Variants in SLC1A1 observed in about 807,000 individuals in gnomAD.
SLC1A1 encodes the protein solute carrier family 1 member 1, also known as excitatory amino acid transporter 3.
In SLC1A1, 43 loss-of-function variants were observed where a neutral mutation model predicts 53.3. The ratio of observed to expected loss-of-function variants is 0.81; its 90% confidence interval spans 0.63 to 1.04. SLC1A1 has a LOEUF of 1.04. Ranked by LOEUF, SLC1A1 falls within the 50% of genes least tolerant of loss-of-function variation. SLC1A1 has a pLI of 0.00. For missense variants in SLC1A1, 748 were observed against 664.9 expected, an observed-to-expected ratio of 1.12 and a Z score of -1.37; for synonymous variants, 307 against 243.2, an observed-to-expected ratio of 1.26 and a Z score of -2.44.
At chr9:4,517,165 C>T (rs1821189105) in intron 1 of SLC1A1, among the ~76,000 whole-genome samples, 1 of 152,152 alleles carries the variant, frequency 6.6e-6, no homozygotes. Flanking sequence ...TTCCCCTGCC[C>T]CTCTGTCTTT....
intron 6 of SLC1A1, among the ~76,000 whole-genome samples, chr9:4,571,681 A>AAAAT (rs35825973): frequency 0.65 from 97,619 of 149,396 alleles, 32,215 homozygotes; most frequent in East Asian, 0.73. Flanking sequence ...CATCTCAGAA[A>AAAAT]AAATAAATAA....
At chr9:4,529,207 G>C (rs1052097434) in intron 1 of SLC1A1, among the ~76,000 whole-genome samples, 2 of 152,112 alleles carry the variant, frequency 1.3e-5, no homozygotes, top group African/African-American at 4.8e-5. Context: ...ATCCTCCAGA[G>C]GCTTCCCACT....
At chr9:4,578,986 A>G (rs914727468) in intron 10 of SLC1A1, among the ~76,000 whole-genome samples, 4 of 152,244 alleles carry the variant, frequency 2.6e-5, no homozygotes, top group Admixed American at 6.5e-5. Flanking sequence ...CAGCCTAAAC[A>G]TAAATTCTAG....
chr9:4,539,337 C>G (rs1816814440), intron 1 of SLC1A1, among the ~76,000 whole-genome samples: 1 of 152,116 alleles, frequency 6.6e-6, no homozygotes, highest in Non-Finnish European at 1.5e-5. Flanking sequence ...TTCTGATTCC[C>G]AGTATTGTTT....
intron 1 of SLC1A1, among the ~76,000 whole-genome samples, chr9:4,526,065 A>C (rs1001484007): frequency 3.3e-5 from 5 of 152,192 alleles, no homozygotes; most frequent in Admixed American, 3.3e-4. Flanking sequence ...CAGGAGGGTC[A>C]GTTGAGGCCA....
Position 4,587,106 on chromosome 9 carries a change from A to G in SLC1A1, c.*1548A>G, listed in dbSNP as rs1041641962. The G allele has an allele frequency of 2.6e-5, 4 of 152,768 alleles. No individual in the cohort carries two copies. Among genetic ancestry groups the G allele is most frequent in the South Asian group, 2.1e-4 (1 of 4,830 alleles). 9.5% of individuals were successfully genotyped at this position (152,768 alleles called of 1,614,324 possible). The stretch of plus-strand genomic sequence containing the variant: ...TGTGCCAAAGATAGCAGAAGAGTAG[A>G]TAAGTGCTCAGTATTGACGACCTAC... On this transcript the variant is annotated 3_prime_UTR_variant, in exon 12 of 12. Transcript: ENST00000262352.
chr9:4,530,982 G>C (rs1816446621), intron 1 of SLC1A1, among the ~76,000 whole-genome samples: 1 of 152,168 alleles, frequency 6.6e-6, no homozygotes, highest in South Asian at 2.1e-4. Flanking sequence ...TCAAGGATTG[G>C]AGCATTTAAT....
Position 4,564,426 on chromosome 9 carries a change from C to A in SLC1A1, c.408C>A (p.Val136=), listed in dbSNP as rs760174423. ...CGAGGACAGGCAGCACCCCTGAAGT[C>A]AGTACGGTGGATGCCATGTTAGATC... ...EIARTGSTPE[V]STVDAMLDLI... The change falls in exon 4 of 12, where the codon GTC becomes GTA. Residue 136 remains valine, a synonymous_variant. Coordinates refer to ENST00000262352, the MANE Select transcript of SLC1A1 (RefSeq NM_004170.6). 1 of 1,613,412 alleles carries A rather than the reference C, an allele frequency of 6.2e-7. No homozygotes were observed. Among genetic ancestry groups the A allele is most frequent in the South Asian group, 1.1e-5 (1 of 90,896 alleles).
chr9:4,535,542 C>G (rs1816643173), intron 1 of SLC1A1, among the ~76,000 whole-genome samples: 1 of 152,076 alleles, frequency 6.6e-6, no homozygotes, highest in African/African-American at 2.4e-5. Context: ...CAAACCACTG[C>G]TCAATGAAAT....
intron 1 of SLC1A1, among the ~76,000 whole-genome samples, chr9:4,531,719 A>G: frequency 6.6e-6 from 1 of 152,186 alleles, no homozygotes; most frequent in East Asian, 1.9e-4. Context: ...TGGTTCTCCC[A>G]GCACACAGCT....
At chr9:4,542,337 A>T (rs1039878707) in intron 1 of SLC1A1, among the ~76,000 whole-genome samples, 1 of 152,212 alleles carries the variant, frequency 6.6e-6, no homozygotes, top group East Asian at 1.9e-4. Context: ...AAGCTACTGT[A>T]CCTGGCAACT....
rs116847923 is a variant in SLC1A1, at chr9:4,582,881, G to A, written c.1194-157G>A. Among the ~76,000 whole-genome samples the A allele has an allele frequency of 7.2e-3, 1,093 of 152,238 alleles. 6 individuals carry two copies. The highest frequency in any genetic ancestry group is 0.021 in the East Asian group (110 of 5,180). ...CCCACAGCTCTAATCCTGTAATGAGGCAGAGCTGGGGCTCAGCAAGTCACA... is the reference window on the plus strand; with the variant it reads ...CCCACAGCTCTAATCCTGTAATGAGACAGAGCTGGGGCTCAGCAAGTCACA... On this transcript the variant is annotated intron_variant, in intron 10 of 11. Coordinates refer to ENST00000262352, the MANE Select transcript of SLC1A1 (RefSeq NM_004170.6).
At position 4,576,774 on chromosome 9, in the gene SLC1A1, G is replaced by A. The variant is rs1471786; in HGVS notation, c.1193+11G>A. 229,828 of 1,610,588 alleles carry A rather than the reference G, an allele frequency of 0.14. 19,390 individuals carry two copies. Among genetic ancestry groups the A allele is most frequent in the East Asian group, 0.4 (17,744 of 44,826 alleles). ...GATCATCACCATCAGGTGGGGCATG[G>A]TGTCACATTCATTGTCATCACTGAT... On this transcript the variant is annotated intron_variant, in intron 10 of 11. Transcript: ENST00000262352.
At chr9:4,558,286 C>G (rs1431513909) in intron 2 of SLC1A1, among the ~76,000 whole-genome samples, 1 of 152,200 alleles carries the variant, frequency 6.6e-6, no homozygotes, top group Non-Finnish European at 1.5e-5. Context: ...GGGGCCAGCT[C>G]TGCCCCCATG....
At chr9:4,563,454 G>A (rs1819177721) in intron 3 of SLC1A1, among the ~76,000 whole-genome samples, 1 of 152,214 alleles carries the variant, frequency 6.6e-6, no homozygotes, top group Non-Finnish European at 1.5e-5. Flanking sequence ...GAGAGGAAAA[G>A]AGTGGGCCAT....
At chr9:4,521,924 T>A (rs936155023) in intron 1 of SLC1A1, among the ~76,000 whole-genome samples, 1 of 152,134 alleles carries the variant, frequency 6.6e-6, no homozygotes, top group Non-Finnish European at 1.5e-5. Context: ...TGCAGCAGCA[T>A]CTTTATGCTC....
chr9:4,502,165 T>C (rs1032008513), intron 1 of SLC1A1, among the ~76,000 whole-genome samples: 1 of 151,388 alleles, frequency 6.6e-6, no homozygotes, highest in African/African-American at 2.4e-5. Context: ...GGCATACAGA[T>C]GGCTTGAGCC....
In SLC1A1 at chr9:4,585,326, C is replaced by T. The variant is rs557517286; in HGVS notation, c.1343C>T (p.Thr448Ile). Residue 448 changes from threonine (T) to isoleucine (I), a missense_variant, in exon 12 of 12, where the codon ACC (threonine) becomes ATC (isoleucine). Coordinates refer to ENST00000262352, the MANE Select transcript of SLC1A1 (RefSeq NM_004170.6). ...TCTCTCCCCAGGGACCGGTTCAGGACCATGGTCAACGTCCTTGGTGATGCT... is the reference window on the plus strand; with the variant it reads ...TCTCTCCCCAGGGACCGGTTCAGGATCATGGTCAACGTCCTTGGTGATGCT... ...AVDWLLDRFR[T>I]MVNVLGDAFG... 6.2e-7 allele frequency: 1 copy of T among 1,613,834 alleles called. No individual in the cohort carries two copies. Among genetic ancestry groups the T allele is most frequent in the African/African-American group, 1.3e-5 (1 of 75,044 alleles).
At chr9:4,530,164 A>G (rs991590907) in intron 1 of SLC1A1, among the ~76,000 whole-genome samples, 1 of 152,268 alleles carries the variant, frequency 6.6e-6, no homozygotes, top group Admixed American at 6.5e-5. Context: ...GAGAAAATAT[A>G]AAACAGTGGA....
Sources: gnomAD v4.1 joint callset for allele counts (sites outside exome capture counted in the v4.1 genomes callset) on GRCh38, gnomAD v4.1.1 for gene constraint, MANE v1.5 for transcripts, NCBI Gene and HGNC (gene_info 2026-07-23, HGNC 2026-07-21) for gene names.